Variants in ARHGEF12 observed in about 807,000 individuals in gnomAD.
ARHGEF12 encodes KMT2A/ARHGEF12 fusion protein.
In ARHGEF12, 66 loss-of-function variants were observed where a neutral mutation model predicts 211.2. That is an observed-to-expected ratio of 0.31 (90% CI 0.26 to 0.38). ARHGEF12 has a LOEUF of 0.38. Among genes scored for constraint, ARHGEF12 ranks in the 10% least tolerant of loss-of-function variants. The pLI is 1.00. For missense variants in ARHGEF12, 1,429 were observed against 1,869.5 expected, an observed-to-expected ratio of 0.76 and a Z score of 4.34; for synonymous variants, 592 against 638.4, an observed-to-expected ratio of 0.93 and a Z score of 1.09.
At chr11:120,364,815 A>G (rs2135380520) in intron 1 of ARHGEF12, among the ~76,000 whole-genome samples, 1 of 128,882 alleles carries the variant, frequency 7.8e-6, no homozygotes, top group Middle Eastern at 3.8e-3. Flanking sequence ...GACATGTACC[A>G]ATTTTTTTTT....
chr11:120,377,554 G>C (rs1392916882), intron 1 of ARHGEF12, among the ~76,000 whole-genome samples: 1 of 152,038 alleles, frequency 6.6e-6, no homozygotes, highest in East Asian at 1.9e-4. Flanking sequence ...TGTTGCCCAG[G>C]CTGGCCTCAA....
chr11:120,466,360 A>G (rs1946706482), intron 28 of ARHGEF12, among the ~76,000 whole-genome samples: 1 of 152,220 alleles, frequency 6.6e-6, no homozygotes, highest in African/African-American at 2.4e-5. Flanking sequence ...ATATGGCCCC[A>G]TTAGGCAGTT....
chr11:120,472,992 TAG>T lies in ARHGEF12; in HGVS notation c.2956-53_2956-52del, dbSNP rs370298162. ...TTAAATGCCAAGTTTGATTCAGAAA[TAG>T]AGAGGTCATTAATGACCAAAGCACT... is the stretch of plus-strand genomic sequence containing the variant. On this transcript the variant is annotated intron_variant, in intron 30 of 40. Transcript: ENST00000397843. 4 of 1,506,944 alleles carry T rather than the reference TAG, an allele frequency of 2.7e-6. No homozygotes were observed. In the Admixed American group the frequency reaches 6.7e-5, roughly 25 times the overall value. 93.3% of individuals were successfully genotyped at this position (1,506,944 alleles called of 1,614,324 possible). A position where few individuals can be genotyped will look rare whatever the true frequency, so the allele number is the denominator to read the frequency against.
At chr11:120,423,435 AGTC>A (rs1945255326) in intron 6 of ARHGEF12, among the ~76,000 whole-genome samples, 1 of 152,134 alleles carries the variant, frequency 6.6e-6, no homozygotes, top group African/African-American at 2.4e-5. Context: ...ACAAATGTGA[AGTC>A]GTGTGTACAG....
At position 120,427,232 on chromosome 11, in the gene ARHGEF12, TTCCTG is replaced by T. The variant is rs373287316; in HGVS notation, c.407-833_407-829del. ...CGCCCCCCGCAATATGTCTACTGAA[TTCCTG>T]TCCATTCCTCCAAATATTTTCTACT... is the stretch of plus-strand genomic sequence containing the variant. On this transcript the variant is annotated intron_variant, in intron 7 of 40. Coordinates refer to ENST00000397843, the MANE Select transcript of ARHGEF12 (RefSeq NM_015313.3). Among the ~76,000 whole-genome samples, 219 of 152,278 alleles carry T rather than the reference TTCCTG, an allele frequency of 1.4e-3. 4 individuals carry two copies. Among genetic ancestry groups the T allele is most frequent in the African/African-American group, 5.0e-3 (209 of 41,562 alleles).
intron 1 of ARHGEF12, among the ~76,000 whole-genome samples, chr11:120,380,230 T>C (rs1422902026): frequency 6.6e-6 from 1 of 152,210 alleles, no homozygotes; most frequent in Non-Finnish European, 1.5e-5. Context: ...AAAATTCACG[T>C]AGAGTTCCCA....
At chr11:120,368,350 C>A (rs1024548985) in intron 1 of ARHGEF12, among the ~76,000 whole-genome samples, 1 of 152,128 alleles carries the variant, frequency 6.6e-6, no homozygotes, top group Non-Finnish European at 1.5e-5. Flanking sequence ...CCTATGTTGC[C>A]GAGGCTGGTC....
rs1947399365 is a variant in ARHGEF12, at chr11:120,486,419, G to A, written c.*1342G>A. On this transcript the variant is annotated 3_prime_UTR_variant, in exon 41 of 41. Coordinates refer to ENST00000397843, the MANE Select transcript of ARHGEF12 (RefSeq NM_015313.3). The stretch of plus-strand genomic sequence containing the variant: ...CAGACCAGCACATACACTGGACACT[G>A]CAGGCAAGGTGTTGGTAACTGCCTG... 1 of 232,066 alleles carries A rather than the reference G, an allele frequency of 4.3e-6. No individual in the cohort carries two copies. Among genetic ancestry groups the A allele is most frequent in the Non-Finnish European group, 8.5e-6 (1 of 117,154 alleles). The allele number at this position is 232,066 out of a possible 1,614,324, so 14.4% of individuals were successfully genotyped here. A position where few individuals can be genotyped will look rare whatever the true frequency, so the allele number is the denominator to read the frequency against.
chr11:120,446,534 CAT>C, intron 17 of ARHGEF12, 26 bp downstream of exon 17: 1 of 1,529,810 alleles, frequency 6.5e-7, no homozygotes, highest in Non-Finnish European at 8.9e-7. Context: ...GATAGAATTT[CAT>C]ATGATTATTC....
At chr11:120,399,516 G>GTTGGGC (rs1944499076) in intron 1 of ARHGEF12, among the ~76,000 whole-genome samples, 1 of 151,902 alleles carries the variant, frequency 6.6e-6, no homozygotes, top group Admixed American at 6.6e-5. Context: ...TATGACTGTG[G>GTTGGGC]TTGGGCTTCT....
At position 120,402,385 on chromosome 11, in the gene ARHGEF12, C is replaced by T. The variant is rs537405368; in HGVS notation, c.33-3733C>T. Among the ~76,000 whole-genome samples, 4 of 152,208 alleles carry T rather than the reference C, an allele frequency of 2.6e-5. No individual in the cohort carries two copies. The South Asian group carries it at 8.3e-4, about 32-fold the overall frequency. On this transcript the variant is annotated intron_variant, in intron 1 of 40. Coordinates refer to ENST00000397843, the MANE Select transcript of ARHGEF12 (RefSeq NM_015313.3). ...TAACTCTTCTCACTGGAGTGGGTTC[C>T]AATAAAATGGTGCTGTATTTCACTC...
chr11:120,433,581 G>C (rs902279731), intron 11 of ARHGEF12, among the ~76,000 whole-genome samples: 5 of 152,156 alleles, frequency 3.3e-5, no homozygotes, highest in Non-Finnish European at 7.4e-5. Flanking sequence ...CAAATGATAC[G>C]AATGAGAAAT....
chr11:120,395,937 AGAAATGGT>A (rs1252431728), intron 1 of ARHGEF12, among the ~76,000 whole-genome samples: 1 of 152,148 alleles, frequency 6.6e-6, no homozygotes, highest in African/African-American at 2.4e-5. Flanking sequence ...GAGAGGGCCT[AGAAATGGT>A]GACATCTCAG....
At chr11:120,443,418 TCTC>T (rs1160966332) in intron 15 of ARHGEF12, among the ~76,000 whole-genome samples, 2 of 152,140 alleles carry the variant, frequency 1.3e-5, no homozygotes, top group Non-Finnish European at 2.9e-5. Flanking sequence ...TATCCTCCCT[TCTC>T]CTGCATCATC....
At chr11:120,456,830 C>CA (rs900186176) in intron 22 of ARHGEF12, among the ~76,000 whole-genome samples, 4 of 152,018 alleles carry the variant, frequency 2.6e-5, no homozygotes, top group Non-Finnish European at 5.9e-5. Flanking sequence ...CCTATCTCTA[C>CA]AAAAAAATTA....
chr11:120,344,683 G>T (rs1289915460), intron 1 of ARHGEF12, among the ~76,000 whole-genome samples: 1 of 152,174 alleles, frequency 6.6e-6, no homozygotes, highest in Non-Finnish European at 1.5e-5. Flanking sequence ...TTTTGTATTG[G>T]CAGGATAGAT....
At chr11:120,349,883 C>G (rs1311143308) in intron 1 of ARHGEF12, among the ~76,000 whole-genome samples, 4 of 152,120 alleles carry the variant, frequency 2.6e-5, no homozygotes, top group Non-Finnish European at 5.9e-5. Flanking sequence ...TATTCCTTAT[C>G]TTTTATATTT....
chr11:120,452,766 CG>C (rs908210963), intron 22 of ARHGEF12, among the ~76,000 whole-genome samples: 1 of 152,052 alleles, frequency 6.6e-6, no homozygotes, highest in African/African-American at 2.4e-5. Context: ...GAGGCTGAGG[CG>C]GGTGGATCAC....
Position 120,484,517 on chromosome 11 carries a change from A to C in ARHGEF12, c.4624+10A>C, listed in dbSNP as rs372263261. On this transcript the variant is annotated intron_variant, in intron 40 of 40. Coordinates refer to ENST00000397843, the MANE Select transcript of ARHGEF12 (RefSeq NM_015313.3). ...ACAGACAAGCACTCAGGTATGTAAA[A>C]GTTATGAGTTCCAGACTCTAGACTA... 5.6e-6 allele frequency: 9 copies of C among 1,611,932 alleles called. No individual in the cohort carries two copies. The African/African-American group carries it at 1.1e-4, about 19-fold the overall frequency.
Sources: gnomAD v4.1 joint callset for allele counts (sites outside exome capture counted in the v4.1 genomes callset) on GRCh38, gnomAD v4.1.1 for gene constraint, MANE v1.5 for transcripts, NCBI Gene and HGNC (gene_info 2026-07-23, HGNC 2026-07-21) for gene names.